The following MFSD1 variants were observed in gnomAD, a reference collection of about 807,000 sequenced individuals.
MFSD1 encodes lysosomal dipeptide transporter MFSD1.
In MFSD1, 59 loss-of-function variants were observed where a neutral mutation model predicts 67.1. The observed-to-expected ratio is 0.88, with a 90% CI of 0.71 to 1.09. The LOEUF is 1.09. Ranked by LOEUF, MFSD1 falls within the 50% of genes least tolerant of loss-of-function variation. The probability of loss-of-function intolerance (pLI) is 0.00; values close to 1 mark genes in which losing one functional copy is unlikely to be tolerated. For missense variants in MFSD1, 552 were observed against 566.1 expected (o/e 0.97, Z 0.25); for synonymous variants, 213 against 200.3 (o/e 1.06, Z -0.54).
At chr3:158,808,190 A>G (rs1729820721) in intron 5 of MFSD1, among the ~76,000 whole-genome samples, 1 of 152,256 alleles carries the variant, frequency 6.6e-6, no homozygotes, top group African/African-American at 2.4e-5. Flanking sequence ...TTACAGATGA[A>G]GTAGGCCTTG....
intron 7 of MFSD1, among the ~76,000 whole-genome samples, chr3:158,818,101 T>C (rs888880159): frequency 1.3e-5 from 2 of 152,200 alleles, no homozygotes; most frequent in Non-Finnish European, 2.9e-5. Context: ...AGGCAGTTTG[T>C]CTAACTGAAC....
At position 158,807,470 on chromosome 3, in the gene MFSD1, T is replaced by C. The variant is rs1028530916; in HGVS notation, c.440+7T>C. 7 of 1,596,804 alleles carry C rather than the reference T, an allele frequency of 4.4e-6. No individual in the cohort carries two copies. The African/African-American group carries it at 8.0e-5, about 18-fold the overall frequency. On this transcript the variant is annotated splice_region_variant and intron_variant, in intron 5 of 15. Transcript: ENST00000415822. ...TTGGAAGATTTGTATTTGGGTAAGT[T>C]ATGCATAATTTAATTTATCCTAATG...
At chr3:158,818,140 G>A (rs533569904) in intron 7 of MFSD1, among the ~76,000 whole-genome samples, 10 of 152,214 alleles carry the variant, frequency 6.6e-5, no homozygotes, top group East Asian at 3.9e-4. Flanking sequence ...CTGTTTGCAG[G>A]GCTGTAGAGA....
chr3:158,816,799 CT>C (rs1730376059), intron 7 of MFSD1, among the ~76,000 whole-genome samples: 1 of 149,794 alleles, frequency 6.7e-6, no homozygotes. Context: ...ACGTTTAAGT[CT>C]TTAATCCATC....
At chr3:158,817,007 T>C (rs1273107499) in intron 7 of MFSD1, among the ~76,000 whole-genome samples, 1 of 152,250 alleles carries the variant, frequency 6.6e-6, no homozygotes, top group Non-Finnish European at 1.5e-5. Flanking sequence ...TCCATTGATC[T>C]ATATCTCTGT....
At position 158,814,050 on chromosome 3, in the gene MFSD1, G is replaced by A; in HGVS notation, c.635G>A (p.Gly212Glu). ...LLGSAGHTTL[G>E]ITLMIGGITC... ...GGTTCTGCTGGTCACACAACCCTCGGGATCACACTTATGATTGGTGAGTGA... is the reference window on the plus strand; with the variant it reads ...GGTTCTGCTGGTCACACAACCCTCGAGATCACACTTATGATTGGTGAGTGA... The change falls in exon 7 of 16, where the codon GGG becomes GAG. Residue 212 changes from glycine (G) to glutamate (E), a missense_variant. Transcript: ENST00000415822. 6.2e-7 allele frequency: 1 copy of A among 1,613,234 alleles called. No individual in the cohort carries two copies. Among genetic ancestry groups the A allele is most frequent in the Non-Finnish European group, 8.5e-7 (1 of 1,179,514 alleles).
intron 11 of MFSD1, chr3:158,822,711 A>T (rs1230168400): frequency 6.5e-6 from 1 of 154,376 alleles, no homozygotes; most frequent in East Asian, 1.9e-4. Context: ...CAGATACAGT[A>T]CAGACTCCTA....
intron 6 of MFSD1, among the ~76,000 whole-genome samples, chr3:158,811,596 T>C (rs979628757): frequency 1.7e-4 from 26 of 152,080 alleles, no homozygotes; most frequent in Admixed American, 1.4e-3. Context: ...AAGGGCTCCA[T>C]TGGGGTGGGC....
intron 1 of MFSD1, among the ~76,000 whole-genome samples, chr3:158,803,350 C>T (rs1342475662): frequency 6.6e-6 from 1 of 152,084 alleles, no homozygotes; most frequent in Non-Finnish European, 1.5e-5. Flanking sequence ...CCTTGCAACT[C>T]CTTTTTCCCC....
At chr3:158,803,975 GT>G (rs2108201779) in intron 1 of MFSD1, among the ~76,000 whole-genome samples, 1 of 152,218 alleles carries the variant, frequency 6.6e-6, no homozygotes, top group Admixed American at 6.5e-5. Context: ...GTGTATGTGT[GT>G]TTGTAAATAA....
At chr3:158,822,808 T>A (rs1423984963) in intron 11 of MFSD1, 1 of 154,190 alleles carries the variant, frequency 6.5e-6, no homozygotes, top group Non-Finnish European at 1.4e-5. Context: ...TCTACCCATT[T>A]ATAACTTTAG....
chr3:158,818,471 T>C (rs1250576423), intron 7 of MFSD1, among the ~76,000 whole-genome samples: 2 of 152,140 alleles, frequency 1.3e-5, no homozygotes, highest in Admixed American at 6.5e-5. Context: ...AATTGTAACT[T>C]TGTACCCCTT....
chr3:158,828,925 G>A, intron 15 of MFSD1, 54 bp from the exon 16 acceptor site: 4 of 1,578,136 alleles, frequency 2.5e-6, no homozygotes, highest in Non-Finnish European at 2.6e-6. Flanking sequence ...TAAGGCAGGT[G>A]AGCTTCATGT....
intron 9 of MFSD1, 45 bp from the exon 10 acceptor site, chr3:158,821,552 G>A: frequency 8.0e-7 from 1 of 1,247,186 alleles, no homozygotes; most frequent in Non-Finnish European, 1.2e-6. Flanking sequence ...TGAAAACAGA[G>A]TAGTTCTCTC....
chr3:158,823,597 G>T, intron 12 of MFSD1, 72 bp downstream of exon 12: 29 of 1,122,044 alleles, frequency 2.6e-5, no homozygotes, highest in Non-Finnish European at 3.8e-5. Context: ...TAAAACTCCA[G>T]ATCTGAATCT....
intron 6 of MFSD1, among the ~76,000 whole-genome samples, chr3:158,812,123 A>C (rs986682625): frequency 6.6e-6 from 1 of 152,126 alleles, no homozygotes; most frequent in Non-Finnish European, 1.5e-5. Context: ...TACTAAGAAA[A>C]ATGAGAAGTG....
At chr3:158,814,949 G>A (rs564365406) in intron 7 of MFSD1, among the ~76,000 whole-genome samples, 5 of 152,210 alleles carry the variant, frequency 3.3e-5, no homozygotes, top group Non-Finnish European at 5.9e-5. Context: ...GGGCGTGGTG[G>A]CACATGCCTG....
intron 15 of MFSD1, among the ~76,000 whole-genome samples, chr3:158,828,474 T>C (rs746125079): frequency 6.6e-6 from 1 of 152,090 alleles, no homozygotes; most frequent in Non-Finnish European, 1.5e-5. Flanking sequence ...AGTCATATTA[T>C]GTTAAAAGTT....
intron 7 of MFSD1, among the ~76,000 whole-genome samples, chr3:158,819,062 GT>G (rs1053381853): frequency 4.6e-5 from 7 of 152,214 alleles, no homozygotes; most frequent in Non-Finnish European, 1.0e-4. Context: ...TTCCTGAGAA[GT>G]GTATCGTTAT....
Sources: allele counts gnomAD v4.1 joint callset (sites outside exome capture counted in the v4.1 genomes callset), GRCh38; gene constraint gnomAD v4.1.1; transcripts MANE v1.5; gene names NCBI Gene and HGNC (gene_info 2026-07-23, HGNC 2026-07-21).